Variants in WDFY3 observed in about 807,000 individuals in gnomAD.
WDFY3 encodes the protein WD repeat and FYVE domain containing 3, also known as WD repeat and FYVE domain-containing protein 3.
WDFY3 carries 66 observed loss-of-function variants against 409.6 expected under a neutral mutation model. The ratio of observed to expected loss-of-function variants is 0.16; its 90% CI spans 0.13 to 0.20. WDFY3 has a LOEUF of 0.20. Among genes scored for constraint, WDFY3 ranks in the 10% least tolerant of loss-of-function variants. The pLI is 1.00. For missense variants in WDFY3, 3,031 were observed against 4,298.1 expected, an observed-to-expected ratio of 0.71 and a Z score of 8.24; for synonymous variants, 1,521 against 1,537.1, an observed-to-expected ratio of 0.99 and a Z score of 0.25.
chr4:84,791,982 G>T (rs1244777911), intron 21 of WDFY3, among the ~76,000 whole-genome samples: 1 of 151,998 alleles, frequency 6.6e-6, no homozygotes, highest in African/African-American at 2.4e-5. Flanking sequence ...TGGAAAACCA[G>T]ATTTTAAATA....
intron 30 of WDFY3, among the ~76,000 whole-genome samples, chr4:84,768,902 G>A (rs117884940): frequency 2.0e-5 from 3 of 152,228 alleles, no homozygotes; most frequent in East Asian, 3.9e-4. Flanking sequence ...CACTTTAGAC[G>A]CCATTAAGAA....
At chr4:84,868,147 GGGTGA>G (rs1374538340) in intron 3 of WDFY3, among the ~76,000 whole-genome samples, 35 of 112,266 alleles carry the variant, frequency 3.1e-4, no homozygotes, top group African/African-American at 1.2e-3. Context: ...ACTCCAGCCT[GGGTGA>G]CAGAGCGAGA....
chr4:84,934,285 C>T (rs944150720), intron 1 of WDFY3, among the ~76,000 whole-genome samples: 4 of 152,078 alleles, frequency 2.6e-5, no homozygotes, highest in Admixed American at 1.3e-4. Context: ...ACACTGAGCA[C>T]CTTTTAATGC....
intron 1 of WDFY3, among the ~76,000 whole-genome samples, chr4:84,947,428 C>G (rs1338024774): frequency 1.3e-5 from 2 of 150,960 alleles, no homozygotes; most frequent in African/African-American, 4.9e-5. Context: ...AGGAGAATCG[C>G]TTGAACTCGG....
At chr4:84,729,302 T>C (rs1736179735) in intron 44 of WDFY3, among the ~76,000 whole-genome samples, 1 of 151,974 alleles carries the variant, frequency 6.6e-6, no homozygotes, top group Non-Finnish European at 1.5e-5. Context: ...GATTTTGAAT[T>C]TTCAGCATAT....
intron 3 of WDFY3, among the ~76,000 whole-genome samples, chr4:84,868,126 CAT>C (rs1365568108): frequency 8.8e-6 from 1 of 114,090 alleles, no homozygotes; most frequent in Non-Finnish European, 1.6e-5. Flanking sequence ...GAGCCGAGAT[CAT>C]GCCACTGCAC....
chr4:84,939,677 T>G (rs1771869531), intron 1 of WDFY3, among the ~76,000 whole-genome samples: 1 of 152,096 alleles, frequency 6.6e-6, no homozygotes, highest in African/African-American at 2.4e-5. Context: ...TATCTCAAAT[T>G]TGGCTAGCAG....
intron 5 of WDFY3, among the ~76,000 whole-genome samples, chr4:84,847,542 G>A (rs1357209853): frequency 4.7e-5 from 7 of 150,036 alleles, no homozygotes; most frequent in Admixed American, 1.3e-4. Context: ...TGAGGCGGGC[G>A]GATCATGAGG....
intron 33 of WDFY3, among the ~76,000 whole-genome samples, chr4:84,756,331 T>A (rs994609554): frequency 3.9e-5 from 6 of 152,072 alleles, no homozygotes; most frequent in African/African-American, 1.4e-4. Context: ...GCGCCTGTAA[T>A]CCCAGCACTT....
intron 32 of WDFY3, among the ~76,000 whole-genome samples, chr4:84,758,600 A>G (rs553847117): frequency 1.3e-5 from 2 of 152,284 alleles, no homozygotes; most frequent in Non-Finnish European, 2.9e-5. Flanking sequence ...AGCAAAGTAC[A>G]TATTACAACT....
intron 56 of WDFY3, among the ~76,000 whole-genome samples, chr4:84,700,586 CT>C (rs942017356): frequency 3.3e-5 from 5 of 152,162 alleles, no homozygotes; most frequent in Non-Finnish European, 5.9e-5. Flanking sequence ...ATACATCCTC[CT>C]TTTTTTATTT....
At chr4:84,683,416 C>T (rs1727740162) in intron 63 of WDFY3, among the ~76,000 whole-genome samples, 1 of 152,184 alleles carries the variant, frequency 6.6e-6, no homozygotes, top group African/African-American at 2.4e-5. Context: ...CTTCAACAGA[C>T]TACAAAAGTG....
At chr4:84,891,683 A>G (rs1350065804) in intron 3 of WDFY3, among the ~76,000 whole-genome samples, 1 of 152,132 alleles carries the variant, frequency 6.6e-6, no homozygotes. Context: ...AAATCTGTTT[A>G]CCTCCTTTCA....
intron 1 of WDFY3, among the ~76,000 whole-genome samples, chr4:84,938,151 C>T (rs181476915): frequency 6.2e-4 from 94 of 152,186 alleles, no homozygotes; most frequent in Middle Eastern, 3.4e-3. Context: ...TTTAATGCTA[C>T]AGCTCCAATG....
intron 32 of WDFY3, among the ~76,000 whole-genome samples, chr4:84,757,919 G>C (rs190139824): frequency 3.7e-4 from 56 of 152,288 alleles, no homozygotes; most frequent in African/African-American, 1.2e-3. Context: ...GCAGTGGGAT[G>C]GTAAATCCAA....
chr4:84,859,462 T>G (rs1760248128), intron 4 of WDFY3, among the ~76,000 whole-genome samples: 1 of 152,172 alleles, frequency 6.6e-6, no homozygotes, highest in Non-Finnish European at 1.5e-5. Context: ...TTAAAAGTCT[T>G]TCATGGCGGC....
intron 15 of WDFY3, 138 bp downstream of exon 15, chr4:84,808,196 C>A: frequency 4.2e-6 from 3 of 711,492 alleles, no homozygotes; most frequent in Non-Finnish European, 2.3e-6. Flanking sequence ...CCCCCAAAAC[C>A]CCAAAAGTAA....
chr4:84,731,618 C>T (rs1275494588), intron 44 of WDFY3, among the ~76,000 whole-genome samples: 3 of 152,102 alleles, frequency 2.0e-5, no homozygotes, highest in Non-Finnish European at 4.4e-5. Flanking sequence ...TATTTATGAG[C>T]GTGTCTGTTT....
intron 5 of WDFY3, among the ~76,000 whole-genome samples, chr4:84,847,139 C>A (rs1758176048): frequency 6.6e-6 from 1 of 151,990 alleles, no homozygotes; most frequent in Non-Finnish European, 1.5e-5. Flanking sequence ...GTCTCCAAAC[C>A]TTTCCCCTAC....
Sources: allele counts gnomAD v4.1 joint callset (sites outside exome capture counted in the v4.1 genomes callset), GRCh38; gene constraint gnomAD v4.1.1; transcripts MANE v1.5; gene names NCBI Gene and HGNC (gene_info 2026-07-23, HGNC 2026-07-21).